Variants in FGD2 observed in about 807,000 individuals in gnomAD.
FGD2 encodes FYVE, RhoGEF and PH domain-containing protein 2.
Under a neutral mutation model 75.9 loss-of-function variants are expected in FGD2, and 52 were observed. That is an observed-to-expected ratio of 0.69 (90% confidence interval 0.55 to 0.86). FGD2 has a LOEUF of 0.86. Ranked by LOEUF, FGD2 falls within the 40% of genes least tolerant of loss-of-function variation. FGD2 has a pLI of 0.00. For missense variants in FGD2, 790 were observed against 872.0 expected (o/e 0.91, Z 1.18); for synonymous variants, 347 against 348.6 (o/e 1.00, Z 0.05).
chr6:37,008,963 G>T lies in FGD2; in HGVS notation c.198G>T (p.Arg66Ser), dbSNP rs773719328. The change falls in exon 2 of 16, where the codon AGG becomes AGT. Residue 66 changes from arginine to serine, a missense_variant. Arg to Ser is a moderately radical substitution (Grantham distance 110). Transcript: ENST00000274963. ...GGGAGGCCGTGGGGTCTGAGCCCAGGACAGTCAGCAGGAGGTACCTGAACT... is the reference window on the plus strand; with the variant it reads ...GGGAGGCCGTGGGGTCTGAGCCCAGTACAGTCAGCAGGAGGTACCTGAACT... ...NVGEAVGSEP[R>S]TVSRRYLNSL... 1 of 1,614,244 alleles carries T rather than the reference G, an allele frequency of 6.2e-7. No individual in the cohort carries two copies. Among genetic ancestry groups the T allele is most frequent in the East Asian group, 2.2e-5 (1 of 44,888 alleles).
At chr6:37,026,363 A>G in intron 14 of FGD2, 2 of 985,224 alleles carry the variant, frequency 2.0e-6, no homozygotes, top group Non-Finnish European at 2.4e-6. Flanking sequence ...ACTGGAAGGG[A>G]CTCCAGGGGC....
chr6:37,006,632 G>A (rs138889401), intron 1 of FGD2, among the ~76,000 whole-genome samples: 66 of 152,272 alleles, frequency 4.3e-4, no homozygotes, highest in Admixed American at 2.1e-3. Flanking sequence ...GTGTGTATGT[G>A]TGTGTTGTGT....
At chr6:37,015,933 C>A in intron 9 of FGD2, 73 bp downstream of exon 9, 1 of 1,359,526 alleles carries the variant, frequency 7.4e-7, no homozygotes, top group Non-Finnish European at 1.0e-6. Context: ...AGAGGAGGGG[C>A]CAACCAGGTT....
rs760324468 is a variant in FGD2, at chr6:37,014,028, C to T, written c.751C>T (p.Arg251Cys). 8.1e-6 allele frequency: 13 copies of T among 1,613,992 alleles called. No homozygotes were observed. The highest frequency in any genetic ancestry group is 2.2e-5 in the East Asian group (1 of 44,892). ...GCTGGAACCAGTGCAGAGAATTCCA[C>T]GTTACGAGCTGCTGCTCAAGGAGTA... ...HMLEPVQRIP[R>C]YELLLKEYIQ... The change falls in exon 6 of 16, where the codon CGT (arginine) becomes TGT (cysteine). Residue 251 changes from arginine to cysteine, a missense_variant. Transcript: ENST00000274963.
Position 37,014,916 on chromosome 6 carries a change from G to T in FGD2, c.907G>T (p.Val303Leu). Residue 303 changes from valine to leucine, a missense_variant, in exon 8 of 16, where the codon GTG becomes TTG. Val to Leu is a conservative substitution (Grantham distance 32). Transcript: ENST00000274963. ...GGAGCGGCTGCAGGACCTGTGGGAG[G>T]TGTACCAGCGCCTGGGCCTCGAGGA... ...EMERLQDLWEVYQRLGLEDDI... is the reference protein window; with the variant it reads ...EMERLQDLWELYQRLGLEDDI... 1 of 1,614,100 alleles carries T rather than the reference G, an allele frequency of 6.2e-7. No individual in the cohort carries two copies. The highest frequency in any genetic ancestry group is 8.5e-7 in the Non-Finnish European group (1 of 1,180,000).
chr6:37,011,926 G>C, intron 4 of FGD2, 72 bp downstream of exon 4: 1 of 1,545,438 alleles, frequency 6.5e-7, no homozygotes, highest in Non-Finnish European at 8.7e-7. Flanking sequence ...AGACCCCAGG[G>C]CGCTAGGTTC....
rs1230316192 is a variant in FGD2 at position 37,028,008 on chromosome 6, G to A, written c.1813G>A (p.Gly605Arg). 5 of 1,613,958 alleles carry A rather than the reference G, an allele frequency of 3.1e-6. No individual in the cohort carries two copies. The African/African-American group carries it at 6.7e-5, about 22-fold the overall frequency. The change falls in exon 16 of 16, where the codon GGG becomes AGG. Residue 605 changes from glycine (G) to arginine (R), a missense_variant. By Grantham distance (125) the Gly-to-Arg change is moderately radical. Transcript: ENST00000274963. ...LGYQVTVGPQ[G>R]DPRVFQLQQS... ...CTACCAGGTGACTGTTGGGCCCCAG[G>A]GGGACCCTCGGGTCTTCCAGCTACA...
At position 37,011,070 on chromosome 6, in the gene FGD2, C is replaced by A. The variant is rs779801205; in HGVS notation, c.378+20C>A. On this transcript the variant is annotated intron_variant, in intron 3 of 15. Coordinates refer to ENST00000274963, the MANE Select transcript of FGD2 (RefSeq NM_173558.4). The stretch of plus-strand genomic sequence containing the variant: ...GACCAGGCCAGTGACCAGGACACCC[C>A]CCTCTAGAGCCCCAGCCCTGGGTCT... 1 of 1,612,154 alleles carries A rather than the reference C, an allele frequency of 6.2e-7. No individual in the cohort carries two copies. Among genetic ancestry groups the A allele is most frequent in the Non-Finnish European group, 8.5e-7 (1 of 1,178,312 alleles).
intron 8 of FGD2, 126 bp from the exon 9 acceptor site, chr6:37,015,642 A>C (rs1451151785): frequency 9.8e-6 from 8 of 820,172 alleles, no homozygotes; most frequent in Non-Finnish European, 1.6e-5. Flanking sequence ...CAGGCTGGCC[A>C]GAGTGTGTTC....
intron 13 of FGD2, chr6:37,024,519 TATAG>T (rs1165295858): frequency 6.6e-6 from 1 of 151,954 alleles, no homozygotes; most frequent in East Asian, 1.9e-4. Context: ...AATACATACA[TATAG>T]AGAGAGACAG....
intron 1 of FGD2, among the ~76,000 whole-genome samples, chr6:37,006,581 T>A (rs1217491309): frequency 1.3e-5 from 2 of 152,022 alleles, no homozygotes; most frequent in African/African-American, 2.4e-5. Context: ...CGTGGAGTCA[T>A]TGGTAGCCCT....
chr6:37,016,735 C>T (rs555590975), intron 9 of FGD2, among the ~76,000 whole-genome samples: 1 of 152,208 alleles, frequency 6.6e-6, no homozygotes, highest in East Asian at 1.9e-4. Context: ...TGGGGTTTCA[C>T]CATGTTGCCC....
rs1013533926 is a variant in FGD2, at chr6:37,020,854, T to C, written c.1233+115T>C. ...GCTCCTGGGATTCTCCCTAGCCTAT[T>C]TGGGCTGAAGGGGAGGGAGTGGTGT... is the stretch of plus-strand genomic sequence containing the variant. On this transcript the variant is annotated intron_variant, in intron 11 of 15. Transcript: ENST00000274963. 47 of 1,425,826 alleles carry C rather than the reference T, an allele frequency of 3.3e-5. No homozygotes were observed. In the East Asian group the frequency reaches 9.7e-4, roughly 29 times the overall value. 88.3% of individuals were successfully genotyped at this position (1,425,826 alleles called of 1,614,324 possible).
At chr6:37,027,391 C>T (rs762042340) in intron 14 of FGD2, 38 bp from the exon 15 acceptor site, 2 of 1,573,564 alleles carry the variant, frequency 1.3e-6, no homozygotes, top group East Asian at 2.3e-5. Context: ...GCACTTGCGG[C>T]TGCTCTGCTC....
intron 3 of FGD2, 42 bp from the exon 4 acceptor site, chr6:37,011,664 C>T (rs1192894824): frequency 6.2e-7 from 1 of 1,612,638 alleles, no homozygotes; most frequent in South Asian, 1.1e-5. Flanking sequence ...GTGTGGGTGG[C>T]TCCCTGTCAC....
intron 9 of FGD2, among the ~76,000 whole-genome samples, chr6:37,019,325 C>T (rs1765452454): frequency 6.6e-6 from 1 of 152,252 alleles, no homozygotes; most frequent in Non-Finnish European, 1.5e-5. Flanking sequence ...ACCGCCTCCT[C>T]ATTGCCAAGG....
intron 15 of FGD2, 169 bp from the exon 16 acceptor site, chr6:37,027,779 A>G (rs979078788): frequency 9.3e-5 from 94 of 1,013,328 alleles, no homozygotes; most frequent in Non-Finnish European, 1.3e-4. Context: ...TTGCCCTCAG[A>G]GGCAGCCAGT....
rs1765584312 is a variant in FGD2, at chr6:37,021,385, TAGAATCCAGCGCCTG to T, written c.1234-126_1234-112del. On this transcript the variant is annotated intron_variant, in intron 11 of 15. Coordinates refer to ENST00000274963, the MANE Select transcript of FGD2 (RefSeq NM_173558.4). The stretch of plus-strand genomic sequence containing the variant: ...TCCGATAAGGCAGCCCGCGTGTGTG[TAGAATCCAGCGCCTG>T]GTACCCAGTGGGCTTTCAGCCCTGT... 3 of 760,868 alleles carry T rather than the reference TAGAATCCAGCGCCTG, an allele frequency of 3.9e-6. No homozygotes were observed. In the South Asian group the frequency reaches 5.2e-5, roughly 13 times the overall value. 47.1% of individuals were successfully genotyped at this position (760,868 alleles called of 1,614,324 possible). A position where few individuals can be genotyped will look rare whatever the true frequency, so the allele number is the denominator to read the frequency against.
intron 1 of FGD2, among the ~76,000 whole-genome samples, chr6:37,008,465 T>G (rs1230709300): frequency 6.6e-6 from 1 of 152,134 alleles, no homozygotes; most frequent in Non-Finnish European, 1.5e-5. Flanking sequence ...ATGTATAGGT[T>G]ACTGATGTGG....
Sources: gnomAD v4.1 joint callset for allele counts (sites outside exome capture counted in the v4.1 genomes callset) on GRCh38, gnomAD v4.1.1 for gene constraint, MANE v1.5 for transcripts, NCBI Gene and HGNC (gene_info 2026-07-23, HGNC 2026-07-21) for gene names.